The following THSD7B variants were observed in gnomAD, a reference collection of about 807,000 sequenced individuals.
The protein encoded by THSD7B is thrombospondin type 1 domain containing 7B, also known as thrombospondin type-1 domain-containing protein 7B.
Under a neutral mutation model 213.6 loss-of-function variants are expected in THSD7B, and 138 were observed. The observed-to-expected ratio is 0.65, with a 90% CI of 0.56 to 0.74. The LOEUF (loss-of-function observed/expected upper bound fraction) is 0.74, where lower values mean the gene tolerates loss of function less well. THSD7B is among the 30% of genes least tolerant of loss of function. THSD7B has a pLI of 0.00. For missense variants in THSD7B, 1,931 were observed against 1,991.5 expected, an observed-to-expected ratio of 0.97 and a Z score of 0.58; for synonymous variants, 742 against 687.0, an observed-to-expected ratio of 1.08 and a Z score of -1.25.
intron 12 of THSD7B, among the ~76,000 whole-genome samples, chr2:137,365,000 G>C (rs1685371670): frequency 6.6e-6 from 1 of 152,054 alleles, no homozygotes; most frequent in African/African-American, 2.4e-5. Context: ...ATACTACAAT[G>C]CTACAGCACC....
intron 12 of THSD7B, among the ~76,000 whole-genome samples, chr2:137,313,887 G>C (rs920884392): frequency 6.6e-6 from 1 of 152,158 alleles, no homozygotes; most frequent in African/African-American, 2.4e-5. Context: ...CTGTTAGTCT[G>C]ATGGGCTTCC....
intron 12 of THSD7B, among the ~76,000 whole-genome samples, chr2:137,292,599 A>G (rs894923316): frequency 3.9e-5 from 6 of 152,172 alleles, no homozygotes; most frequent in African/African-American, 1.4e-4. Context: ...TCTACTGTTA[A>G]CATAGTTGGT....
chr2:136,800,824 C>G (rs1481178558), intron 1 of THSD7B, among the ~76,000 whole-genome samples: 2 of 151,322 alleles, frequency 1.3e-5, no homozygotes, highest in Non-Finnish European at 3.0e-5. Context: ...TTTTTTTTCT[C>G]CTAAAGTTTC....
intron 7 of THSD7B, among the ~76,000 whole-genome samples, chr2:137,210,640 C>A (rs1681082402): frequency 6.6e-6 from 1 of 152,008 alleles, no homozygotes; most frequent in African/African-American, 2.4e-5. Flanking sequence ...ACTGGGCTGA[C>A]TTCGTTTGAT....
At chr2:137,029,019 A>G (rs1314287507) in intron 2 of THSD7B, among the ~76,000 whole-genome samples, 3 of 151,760 alleles carry the variant, frequency 2.0e-5, no homozygotes, top group Non-Finnish European at 2.9e-5. Context: ...ATATGCATAT[A>G]CAATATTCAC....
intron 1 of THSD7B, among the ~76,000 whole-genome samples, chr2:136,847,194 C>G (rs779102749): frequency 6.6e-6 from 1 of 151,980 alleles, no homozygotes; most frequent in African/African-American, 2.4e-5. Context: ...TGTTACTGGC[C>G]GAGGGGCCAG....
At chr2:136,837,764 C>A (rs1035371423) in intron 1 of THSD7B, among the ~76,000 whole-genome samples, 2 of 152,096 alleles carry the variant, frequency 1.3e-5, no homozygotes, top group African/African-American at 2.4e-5. Flanking sequence ...TCCTTGATAT[C>A]CTTACCCATC....
chr2:137,463,228 C>T (rs992484393), intron 15 of THSD7B, among the ~76,000 whole-genome samples: 2 of 152,088 alleles, frequency 1.3e-5, no homozygotes, highest in African/African-American at 4.8e-5. Flanking sequence ...GGGGCAACTA[C>T]AACACAAAGA....
chr2:137,347,957 G>A (rs1684914763), intron 12 of THSD7B, among the ~76,000 whole-genome samples: 4 of 150,694 alleles, frequency 2.7e-5, no homozygotes, highest in Non-Finnish European at 1.5e-5. Context: ...AATTTAATTT[G>A]GGCCTCATTT....
intron 4 of THSD7B, among the ~76,000 whole-genome samples, chr2:137,107,810 G>A (rs1254356541): frequency 6.6e-6 from 1 of 152,150 alleles, no homozygotes; most frequent in Non-Finnish European, 1.5e-5. Context: ...TACATGTGTG[G>A]AGTTTGGCTG....
At chr2:136,930,164 A>G (rs954039721) in intron 2 of THSD7B, among the ~76,000 whole-genome samples, 1 of 152,216 alleles carries the variant, frequency 6.6e-6, no homozygotes, top group Non-Finnish European at 1.5e-5. Flanking sequence ...ATAATCAATT[A>G]CTATATAAAT....
chr2:137,150,418 A>G (rs892947197), intron 5 of THSD7B, among the ~76,000 whole-genome samples: 2 of 152,120 alleles, frequency 1.3e-5, no homozygotes, highest in Non-Finnish European at 2.9e-5. Context: ...AATTGAGATC[A>G]TGAGGGTGGT....
chr2:137,488,608 C>T (rs1688528687), intron 15 of THSD7B, among the ~76,000 whole-genome samples: 1 of 152,204 alleles, frequency 6.6e-6, no homozygotes, highest in Non-Finnish European at 1.5e-5. Flanking sequence ...TTTCTTCCCT[C>T]ACTGTCTTTC....
chr2:137,170,308 C>T (rs900666360), intron 6 of THSD7B, among the ~76,000 whole-genome samples: 1 of 152,090 alleles, frequency 6.6e-6, no homozygotes, highest in African/African-American at 2.4e-5. Flanking sequence ...TGTGAATGGT[C>T]AGGCGCCATG....
intron 10 of THSD7B, among the ~76,000 whole-genome samples, chr2:137,247,244 A>G (rs1424042156): frequency 1.3e-5 from 2 of 152,228 alleles, no homozygotes; most frequent in Non-Finnish European, 2.9e-5. Flanking sequence ...TATTTTCAAC[A>G]TTTAATTATA....
chr2:137,321,771 G>T (rs1006119791), intron 12 of THSD7B, among the ~76,000 whole-genome samples: 3 of 152,146 alleles, frequency 2.0e-5, no homozygotes, highest in Admixed American at 6.5e-5. Flanking sequence ...AACCACCCAA[G>T]AAATACAAAT....
intron 2 of THSD7B, among the ~76,000 whole-genome samples, chr2:136,913,851 G>A (rs956147645): frequency 6.6e-6 from 1 of 152,238 alleles, no homozygotes; most frequent in Non-Finnish European, 1.5e-5. Flanking sequence ...CCTCTGCTAG[G>A]GCAGTGCAGA....
chr2:137,189,125 C>T (rs954268904), intron 7 of THSD7B, among the ~76,000 whole-genome samples: 2 of 152,254 alleles, frequency 1.3e-5, no homozygotes, highest in Admixed American at 1.3e-4. Flanking sequence ...CATCTTCCTT[C>T]CTTCATTTTC....
intron 5 of THSD7B, among the ~76,000 whole-genome samples, chr2:137,139,151 A>C (rs1344519041): frequency 6.6e-6 from 1 of 152,130 alleles, no homozygotes; most frequent in East Asian, 1.9e-4. Flanking sequence ...CTTGAAGTAA[A>C]TTCTATAATT....
Sources: gnomAD v4.1 joint callset for allele counts (sites outside exome capture counted in the v4.1 genomes callset) on GRCh38, gnomAD v4.1.1 for gene constraint, MANE v1.5 for transcripts, NCBI Gene and HGNC (gene_info 2026-07-23, HGNC 2026-07-21) for gene names.